Variants in CPEB2 observed in about 807,000 individuals in gnomAD.
CPEB2 encodes the protein cytoplasmic polyadenylation element-binding protein 2.
Under a neutral mutation model 93.6 loss-of-function variants are expected in CPEB2, and 56 were observed. That is an observed-to-expected ratio of 0.60 (90% confidence interval 0.48 to 0.75). The LOEUF is 0.75. CPEB2 is among the 30% of genes least tolerant of loss of function. CPEB2 has a pLI of 0.00. For synonymous variants in CPEB2, 764 were observed against 586.3 expected (o/e 1.30, Z -4.38); for missense variants, 1,579 against 1,395.1 (o/e 1.13, Z -2.10).
rs904376795 is a variant in CPEB2 at position 15,036,099 on chromosome 4, A to G, written c.2176+2888A>G. 7.9e-5 allele frequency among the ~76,000 whole-genome samples: 12 copies of G among 152,352 alleles called. No individual in the cohort carries two copies. The East Asian group carries it at 2.3e-3, about 29-fold the overall frequency. On this transcript the variant is annotated intron_variant, in intron 5 of 11. Transcript: ENST00000538197. The stretch of plus-strand genomic sequence containing the variant: ...TGGGATAAAAGCCAGGAAGTTGGTC[A>G]AATTCAGTAAAACTATGAAGTGTCT...
At chr4:15,046,043 A>T (rs1193307814) in intron 6 of CPEB2, among the ~76,000 whole-genome samples, 2 of 152,218 alleles carry the variant, frequency 1.3e-5, no homozygotes, top group African/African-American at 4.8e-5. Flanking sequence ...ACTTGTTATG[A>T]ATAAACCTTC....
chr4:15,017,133 C>A, intron 3 of CPEB2, 55 bp from the exon 4 acceptor site: 1 of 943,772 alleles, frequency 1.1e-6, no homozygotes, highest in Non-Finnish European at 1.7e-6. Context: ...GTTTTATAAT[C>A]GCTTTTTGAA....
chr4:15,059,362 A>G, intron 10 of CPEB2, 61 bp downstream of exon 10: 1 of 1,121,390 alleles, frequency 8.9e-7, no homozygotes, highest in Non-Finnish European at 1.3e-6. Flanking sequence ...TAGTCAATTT[A>G]ATAAACGTTT....
chr4:15,035,367 T>C (rs1437434586), intron 5 of CPEB2, among the ~76,000 whole-genome samples: 1 of 152,136 alleles, frequency 6.6e-6, no homozygotes, highest in Non-Finnish European at 1.5e-5. Context: ...TTTGTTTATG[T>C]CTAAAATAGA....
intron 7 of CPEB2, among the ~76,000 whole-genome samples, chr4:15,053,080 A>G: frequency 6.6e-6 from 1 of 151,460 alleles, no homozygotes; most frequent in Non-Finnish European, 1.5e-5. Flanking sequence ...GCAGTGGCGC[A>G]ATCTCGGCTC....
chr4:15,061,538 AAG>A (rs1157375295), intron 10 of CPEB2, among the ~76,000 whole-genome samples: 6 of 151,774 alleles, frequency 4.0e-5, no homozygotes, highest in African/African-American at 9.7e-5. Context: ...TGGTTAGAAA[AAG>A]AGTTGAATAA....
intron 6 of CPEB2, among the ~76,000 whole-genome samples, chr4:15,046,184 A>T (rs528502870): frequency 3.0e-4 from 45 of 152,236 alleles, no homozygotes; most frequent in Non-Finnish European, 5.7e-4. Flanking sequence ...ACTGCCAAAT[A>T]GTTTCCAGTT....
intron 8 of CPEB2, among the ~76,000 whole-genome samples, chr4:15,055,735 T>C (rs1339155776): frequency 6.6e-6 from 1 of 152,208 alleles, no homozygotes; most frequent in East Asian, 1.9e-4. Context: ...TGCCTGGCCT[T>C]GCCTTCTTTC....
intron 5 of CPEB2, 76 bp from the exon 6 acceptor site, chr4:15,040,388 C>T (rs1727050141): frequency 5.8e-6 from 8 of 1,377,844 alleles, no homozygotes; most frequent in Admixed American, 2.0e-5. Context: ...CATAGCTTTT[C>T]GTATCAGAAA....
At chr4:15,017,126 TTA>T (rs1724245176) in intron 3 of CPEB2, 60 bp from the exon 4 acceptor site, 1 of 893,326 alleles carries the variant, frequency 1.1e-6, no homozygotes, top group African/African-American at 1.7e-5. Flanking sequence ...AGATAGTGTT[TTA>T]TAATCGCTTT....
chr4:15,022,593 A>AT (rs1241914132), intron 4 of CPEB2, among the ~76,000 whole-genome samples: 1 of 151,878 alleles, frequency 6.6e-6, no homozygotes, highest in African/African-American at 2.4e-5. Flanking sequence ...TCCTTTGTTG[A>AT]TTTTTCGTTT....
At chr4:15,016,862 G>A (rs913077339) in intron 3 of CPEB2, among the ~76,000 whole-genome samples, 2 of 151,866 alleles carry the variant, frequency 1.3e-5, no homozygotes, top group African/African-American at 4.8e-5. Flanking sequence ...ACCAAAAAAT[G>A]CTTTCTGTGT....
chr4:15,046,684 C>G (rs552024907), intron 6 of CPEB2, among the ~76,000 whole-genome samples: 1 of 152,246 alleles, frequency 6.6e-6, no homozygotes, highest in East Asian at 1.9e-4. Context: ...CATTACAAGT[C>G]TTTTGCTCAT....
At chr4:15,007,779 C>T (rs952989315) in intron 2 of CPEB2, among the ~76,000 whole-genome samples, 193 bp downstream of exon 2, 2 of 152,106 alleles carry the variant, frequency 1.3e-5, no homozygotes, top group Non-Finnish European at 1.5e-5. Context: ...ATTCTCTAAA[C>T]ACGCAATGGA....
chr4:15,003,784 G>C lies in CPEB2; in HGVS notation c.1111G>C (p.Ala371Pro). The C allele has an allele frequency of 4.7e-6, 5 of 1,058,374 alleles. No homozygotes were observed. The highest frequency in any genetic ancestry group is 5.9e-6 in the Non-Finnish European group (5 of 843,938). The allele number at this position is 1,058,374 out of a possible 1,614,324, so 65.6% of individuals were successfully genotyped here. Residue 371 changes from alanine (A) to proline (P), a missense_variant, in exon 1 of 12, where the codon GCG (alanine) becomes CCG (proline). Physicochemically the swap from Ala to Pro is conservative, Grantham distance 27. This residue lies in a region of CPEB2 where 1,411 missense variants were observed against 1,056.0 expected (regional missense o/e 1.34). Transcript: ENST00000538197. ...PPGGGGGGGS[A>P]SPPPLPGFGT... Reference sequence around the variant, plus strand: ...AGGAGGCGGAGGGGGAGGCGGCTCCGCGTCGCCGCCGCCGCTGCCCGGCTT... The same window carrying C: ...AGGAGGCGGAGGGGGAGGCGGCTCCCCGTCGCCGCCGCCGCTGCCCGGCTT...
At chr4:15,028,113 A>G (rs1300597113) in intron 4 of CPEB2, among the ~76,000 whole-genome samples, 3 of 152,178 alleles carry the variant, frequency 2.0e-5, no homozygotes, top group African/African-American at 4.8e-5. Flanking sequence ...TTCTTTAGCT[A>G]TGTTCTCATC....
chr4:15,040,362 A>T (rs112704893), intron 5 of CPEB2, 102 bp from the exon 6 acceptor site: 1 of 1,051,298 alleles, frequency 9.5e-7, no homozygotes, highest in Non-Finnish European at 1.4e-6. Context: ...AAGTAGCACT[A>T]ATTTTCAGAT....
At chr4:15,020,616 A>G (rs1724703613) in intron 4 of CPEB2, among the ~76,000 whole-genome samples, 1 of 152,130 alleles carries the variant, frequency 6.6e-6, no homozygotes, top group Non-Finnish European at 1.5e-5. Context: ...ATGGTCTGGC[A>G]TAGCAGGTAG....
intron 4 of CPEB2, among the ~76,000 whole-genome samples, chr4:15,023,081 T>C (rs912885162): frequency 6.6e-6 from 1 of 152,012 alleles, no homozygotes; most frequent in African/African-American, 2.4e-5. Flanking sequence ...CATCAGAAAC[T>C]ACAATGAATT....
Sources: allele counts gnomAD v4.1 joint callset (sites outside exome capture counted in the v4.1 genomes callset), GRCh38; gene constraint gnomAD v4.1.1; regional missense constraint gnomAD v4.1.1; transcripts MANE v1.5; gene names NCBI Gene and HGNC (gene_info 2026-07-23, HGNC 2026-07-21).